Variants in DISC1 observed in about 807,000 individuals in gnomAD.
The protein encoded by DISC1 is disrupted in schizophrenia 1 protein.
A neutral mutation model predicts 84.5 loss-of-function variants in DISC1; 57 were observed. The observed-to-expected ratio is 0.67, with a 90% CI of 0.55 to 0.84. DISC1 has a LOEUF of 0.84. Ranked by LOEUF, DISC1 falls within the 40% of genes least tolerant of loss-of-function variation. DISC1 has a pLI of 0.00. For synonymous variants in DISC1, 411 were observed against 415.2 expected, an observed-to-expected ratio of 0.99 and a Z score of 0.12; for missense variants, 1,000 against 1,057.8, an observed-to-expected ratio of 0.95 and a Z score of 0.76.
chr1:231,842,510 T>C (rs1261042469), intron 9 of DISC1, among the ~76,000 whole-genome samples: 2 of 152,232 alleles, frequency 1.3e-5, no homozygotes, highest in African/African-American at 4.8e-5. Flanking sequence ...TGCCAACTCC[T>C]ATGTAGGTAC....
At chr1:232,012,056 G>A (rs1037752510) in intron 11 of DISC1, among the ~76,000 whole-genome samples, 18 of 152,262 alleles carry the variant, frequency 1.2e-4, no homozygotes, top group African/African-American at 4.1e-4. Flanking sequence ...AGTGAGAGAC[G>A]CATACCTAGT....
chr1:232,001,423 G>A (rs937922452), intron 10 of DISC1, among the ~76,000 whole-genome samples: 1 of 152,094 alleles, frequency 6.6e-6, no homozygotes, highest in Non-Finnish European at 1.5e-5. Flanking sequence ...ATGGAAGGGA[G>A]GTTTATTTGC....
chr1:231,807,146 G>C (rs1441331987), intron 8 of DISC1, among the ~76,000 whole-genome samples: 1 of 152,236 alleles, frequency 6.6e-6, no homozygotes, highest in East Asian at 1.9e-4. Flanking sequence ...TGGACTGCGG[G>C]TCTGCACCAT....
chr1:231,729,927 G>T (rs2071288452), intron 3 of DISC1, among the ~76,000 whole-genome samples: 1 of 152,140 alleles, frequency 6.6e-6, no homozygotes, highest in Non-Finnish European at 1.5e-5. Flanking sequence ...GATGATGGTG[G>T]TTGCTCAGTG....
chr1:231,953,429 T>C (rs757445704), intron 9 of DISC1, among the ~76,000 whole-genome samples: 4 of 152,242 alleles, frequency 2.6e-5, no homozygotes, highest in Non-Finnish European at 2.9e-5. Flanking sequence ...TCCATTTTCC[T>C]GTATTGCTGA....
intron 9 of DISC1, among the ~76,000 whole-genome samples, chr1:231,848,352 A>T (rs2083612235): frequency 1.3e-5 from 2 of 152,200 alleles, no homozygotes; most frequent in South Asian, 4.1e-4. Context: ...TTGCTGAGTG[A>T]AAAACAGTGA....
intron 9 of DISC1, among the ~76,000 whole-genome samples, chr1:231,940,453 G>C (rs2091255235): frequency 6.6e-6 from 1 of 152,202 alleles, no homozygotes; most frequent in Non-Finnish European, 1.5e-5. Flanking sequence ...CATTTTCACT[G>C]TTCTGCCTTA....
intron 1 of DISC1, among the ~76,000 whole-genome samples, chr1:231,649,575 G>T (rs1292365132): frequency 6.6e-6 from 1 of 152,206 alleles, no homozygotes; most frequent in Non-Finnish European, 1.5e-5. Flanking sequence ...TATTAGGTCT[G>T]CTTGGTGCAG....
intron 11 of DISC1, among the ~76,000 whole-genome samples, chr1:232,024,511 G>A (rs770472577): frequency 2.0e-5 from 3 of 151,996 alleles, no homozygotes; most frequent in Non-Finnish European, 4.4e-5. Flanking sequence ...TGGGCATTTT[G>A]TTGTTATTGT....
chr1:231,690,836 T>C (rs200643064), intron 1 of DISC1, among the ~76,000 whole-genome samples: 22 of 152,128 alleles, frequency 1.4e-4, no homozygotes, highest in Non-Finnish European at 3.1e-4. Context: ...GGATTCATAG[T>C]GTGTGACAGT....
intron 9 of DISC1, among the ~76,000 whole-genome samples, chr1:231,879,740 A>G (rs2086157910): frequency 6.6e-6 from 1 of 152,100 alleles, no homozygotes; most frequent in African/African-American, 2.4e-5. Context: ...ATAGGCAGGA[A>G]ACAGATGGGT....
At chr1:231,711,363 T>TC (rs1157939295) in intron 3 of DISC1, among the ~76,000 whole-genome samples, 1 of 147,100 alleles carries the variant, frequency 6.8e-6, no homozygotes, top group Non-Finnish European at 1.5e-5. Flanking sequence ...ATTTCTTTTT[T>TC]TTTTTTTTTT....
chr1:231,640,914 A>G (rs1400054078), intron 1 of DISC1, among the ~76,000 whole-genome samples: 1 of 152,148 alleles, frequency 6.6e-6, no homozygotes, highest in African/African-American at 2.4e-5. Flanking sequence ...TGACTAGTAT[A>G]GACTCTCCCA....
At chr1:232,023,545 G>A (rs1669164115) in intron 11 of DISC1, among the ~76,000 whole-genome samples, 2 of 152,078 alleles carry the variant, frequency 1.3e-5, no homozygotes, top group South Asian at 4.2e-4. Context: ...CTTGTTATGT[G>A]GTCTGAAATT....
At chr1:231,922,334 C>T (rs2090059079) in intron 9 of DISC1, among the ~76,000 whole-genome samples, 5 of 152,194 alleles carry the variant, frequency 3.3e-5, no homozygotes, top group Admixed American at 2.6e-4. Flanking sequence ...GTTGCTAACA[C>T]GTATGAACTG....
At chr1:231,763,178 A>G (rs2075906228) in intron 4 of DISC1, among the ~76,000 whole-genome samples, 1 of 152,118 alleles carries the variant, frequency 6.6e-6, no homozygotes, top group Non-Finnish European at 1.5e-5. Context: ...CCTGGGACTC[A>G]GCCTGATCCG....
chr1:231,946,683 C>A (rs1270872665), intron 9 of DISC1, among the ~76,000 whole-genome samples: 1 of 152,174 alleles, frequency 6.6e-6, no homozygotes, highest in Non-Finnish European at 1.5e-5. Context: ...TCTCTGTTTG[C>A]AGATGACATG....
chr1:231,951,166 T>C (rs1207717931), intron 9 of DISC1, among the ~76,000 whole-genome samples: 2 of 152,214 alleles, frequency 1.3e-5, no homozygotes, highest in African/African-American at 2.4e-5. Flanking sequence ...AGTTACTTAC[T>C]ATAACTCAGC....
chr1:231,680,684 T>C (rs556690421), intron 1 of DISC1, among the ~76,000 whole-genome samples: 3 of 152,350 alleles, frequency 2.0e-5, no homozygotes, highest in African/African-American at 7.2e-5. Context: ...CTGAGTATTA[T>C]AAACATTTAG....
Sources: gnomAD v4.1 joint callset for allele counts (sites outside exome capture counted in the v4.1 genomes callset) on GRCh38, gnomAD v4.1.1 for gene constraint, MANE v1.5 for transcripts, NCBI Gene and HGNC (gene_info 2026-07-23, HGNC 2026-07-21) for gene names.